The following SCUBE1 variants were observed in gnomAD, a reference collection of about 807,000 sequenced individuals.
The protein encoded by SCUBE1 is signal peptide, CUB domain and EGF like domain containing 1, also known as signal peptide, CUB and EGF-like domain-containing protein 1.
A neutral mutation model predicts 124.4 loss-of-function variants in SCUBE1; 59 were observed. The ratio of observed to expected loss-of-function variants is 0.47; its 90% CI spans 0.38 to 0.59. SCUBE1 has a LOEUF of 0.59. SCUBE1 is among the 20% of genes least tolerant of loss of function. SCUBE1 has a pLI of 0.00. For synonymous variants in SCUBE1, 545 were observed against 550.9 expected (o/e 0.99, Z 0.15); for missense variants, 1,150 against 1,371.2 (o/e 0.84, Z 2.55).
In SCUBE1 at chr22:43,319,994, A is replaced by T; in HGVS notation, c.292T>A (p.Tyr98Asn). 6.2e-7 allele frequency: 1 copy of T among 1,614,200 alleles called. No homozygotes were observed. The highest frequency in any genetic ancestry group is 8.5e-7 in the Non-Finnish European group (1 of 1,180,026). The change falls in exon 3 of 22, where the codon TAC (tyrosine) becomes AAC (asparagine). Residue 98 changes from tyrosine (Y) to asparagine (N), a missense_variant. This residue lies in a region of SCUBE1 where 337 missense variants were observed against 482.1 expected (regional missense o/e 0.70). Coordinates refer to ENST00000360835, the MANE Select transcript of SCUBE1 (RefSeq NM_173050.5). ...VHECINIPGNYRCTCFDGFML... is the reference protein window; with the variant it reads ...VHECINIPGNNRCTCFDGFML... Reference sequence around the variant, plus strand: ...AAGCCATCAAAGCAGGTACACCTGTAGTTCCCCGGGATGTTGATGCACTCG... The same window carrying T: ...AAGCCATCAAAGCAGGTACACCTGTTGTTCCCCGGGATGTTGATGCACTCG...
intron 6 of SCUBE1, among the ~76,000 whole-genome samples, chr22:43,248,667 G>A (rs1038032541): frequency 6.6e-6 from 1 of 152,228 alleles, no homozygotes; most frequent in African/African-American, 2.4e-5. Context: ...GGGAGGCCAC[G>A]ACTTGAGAGG....
At chr22:43,251,645 A>G (rs1309591000) in intron 6 of SCUBE1, among the ~76,000 whole-genome samples, 1 of 152,184 alleles carries the variant, frequency 6.6e-6, no homozygotes, top group Non-Finnish European at 1.5e-5. Flanking sequence ...GGGCAGCTCT[A>G]GAAGCTGGAA....
intron 3 of SCUBE1, among the ~76,000 whole-genome samples, chr22:43,299,982 T>G (rs570432304): frequency 3.9e-5 from 6 of 152,224 alleles, no homozygotes; most frequent in Non-Finnish European, 7.3e-5. Context: ...GGCTGAACAG[T>G]ATTCTATTGC....
At chr22:43,308,551 G>T (rs903786853) in intron 3 of SCUBE1, among the ~76,000 whole-genome samples, 1 of 152,236 alleles carries the variant, frequency 6.6e-6, no homozygotes, top group Non-Finnish European at 1.5e-5. Context: ...TTCGTTAGGG[G>T]TTCCAGGGAG....
rs138230486 is a variant in SCUBE1 at position 43,340,568 on chromosome 22, G to A, written c.89-1333C>T. On this transcript the variant is annotated intron_variant, in intron 1 of 21. Coordinates refer to ENST00000360835, the MANE Select transcript of SCUBE1 (RefSeq NM_173050.5). ...AGGGAGGGGACGTGCCTCTTGTCGG[G>A]CACAGTTCAGCACAGTCAGAGCTGT... 4.8e-3 allele frequency among the ~76,000 whole-genome samples: 721 copies of A among 150,610 alleles called. 7 individuals carry two copies. The highest frequency in any genetic ancestry group is 0.016 in the African/African-American group (653 of 40,936).
At chr22:43,317,421 C>T (rs539451657) in intron 3 of SCUBE1, among the ~76,000 whole-genome samples, 1 of 152,132 alleles carries the variant, frequency 6.6e-6, no homozygotes, top group Non-Finnish European at 1.5e-5. Context: ...GCTGAGAGTC[C>T]CCTGTGCCGA....
chr22:43,254,851 A>G (rs1481653970), intron 6 of SCUBE1, among the ~76,000 whole-genome samples: 7 of 152,236 alleles, frequency 4.6e-5, no homozygotes, highest in African/African-American at 9.6e-5. Context: ...GTCCAAGAGC[A>G]GTGATTTCTC....
intron 4 of SCUBE1, among the ~76,000 whole-genome samples, chr22:43,266,740 C>T (rs571711355): frequency 6.6e-6 from 1 of 152,156 alleles, no homozygotes; most frequent in Non-Finnish European, 1.5e-5. Context: ...ATTTGGGAAC[C>T]TGGTGCAGAG....
Position 43,221,202 on chromosome 22 carries a change from G to T in SCUBE1, c.1520C>A (p.Ala507Glu). 6.2e-7 allele frequency: 1 copy of T among 1,611,076 alleles called. No homozygotes were observed. Residue 507 changes from alanine to glutamate, a missense_variant, in exon 13 of 22, where the codon GCA (alanine) becomes GAA (glutamate). Ala to Glu is a moderately radical substitution (Grantham distance 107). Around this residue, in one of 3 missense-constraint regions of SCUBE1, gnomAD observed 757 missense variants for 840.9 expected, o/e 0.90. Transcript: ENST00000360835. ...CHLRPHSQAR[A>E]KETARQPLLD... ...CAGCGGCTGCCTGGCGGTCTCCTTT[G>T]CTCGTGCCTGGCTGTGGGGCCGGAG...
At chr22:43,220,671 T>C (rs1257769514) in intron 13 of SCUBE1, 84 bp from the exon 14 acceptor site, 7 of 1,513,960 alleles carry the variant, frequency 4.6e-6, no homozygotes, top group Admixed American at 1.9e-5. Context: ...AGAGTGCCAT[T>C]GGCAAGGACT....
At chr22:43,212,016 C>G (rs115702903) in intron 17 of SCUBE1, among the ~76,000 whole-genome samples, 1 of 152,106 alleles carries the variant, frequency 6.6e-6, no homozygotes, top group Admixed American at 6.5e-5. Flanking sequence ...TGAGGGAAGA[C>G]GGGATGTAGA....
chr22:43,297,657 C>T (rs1006037524), intron 3 of SCUBE1, among the ~76,000 whole-genome samples: 2 of 152,224 alleles, frequency 1.3e-5, no homozygotes, highest in African/African-American at 4.8e-5. Context: ...GCAGGCAGGA[C>T]CAGTTTCCCC....
At chr22:43,247,551 G>A (rs968271441) in intron 6 of SCUBE1, among the ~76,000 whole-genome samples, 3 of 152,118 alleles carry the variant, frequency 2.0e-5, no homozygotes, top group Non-Finnish European at 2.9e-5. Flanking sequence ...AGGAAATCTC[G>A]CCTCAGGAAG....
rs778357773 is a variant in SCUBE1, at chr22:43,210,189, G to A, written c.2435C>T (p.Pro812Leu). ...LGDYTGYIES[P>L]NYPGDYPANA... ...GGCTGGGTAGTCGCCAGGGTAGTTG[G>A]GGGACTCGATGTAGCCGGTGTAGTC... The change falls in exon 19 of 22, where the codon CCC becomes CTC. Residue 812 changes from proline (P) to leucine (L), a missense_variant. Around this residue, in one of 3 missense-constraint regions of SCUBE1, gnomAD observed 757 missense variants for 840.9 expected, o/e 0.90. Transcript: ENST00000360835. The surrounding 1 kb of genome is among the most constrained non-coding windows in gnomAD (Gnocchi z 4.5). The A allele has an allele frequency of 6.2e-7, 1 of 1,600,338 alleles. No homozygotes were observed. The highest frequency in any genetic ancestry group is 8.5e-7 in the Non-Finnish European group (1 of 1,173,546).
intron 2 of SCUBE1, among the ~76,000 whole-genome samples, chr22:43,330,196 G>A (rs1041428666): frequency 5.3e-5 from 8 of 152,164 alleles, no homozygotes; most frequent in Admixed American, 4.6e-4. Flanking sequence ...CCCATGTGAT[G>A]GATGAGGAAA....
At position 43,198,206 on chromosome 22, in the gene SCUBE1, A is replaced by G; in HGVS notation, c.*5791T>C. 1 of 259,364 alleles carries G rather than the reference A, an allele frequency of 3.9e-6. No individual in the cohort carries two copies. Among genetic ancestry groups the G allele is most frequent in the African/African-American group, 2.5e-5 (1 of 39,994 alleles). 16.1% of individuals were successfully genotyped at this position (259,364 alleles called of 1,614,324 possible). ...CCTGGCACCCAGTGGGCACTGAGTG[A>G]GCGTCAGCTTCCCCACCTTTCCCTT... On this transcript the variant is annotated 3_prime_UTR_variant, in exon 22 of 22. Transcript: ENST00000360835.
intron 6 of SCUBE1, among the ~76,000 whole-genome samples, chr22:43,244,116 C>T (rs995196884): frequency 2.0e-5 from 3 of 152,080 alleles, no homozygotes; most frequent in African/African-American, 7.2e-5. Context: ...GCCCAGACCT[C>T]GCCTTTCTCT....
intron 13 of SCUBE1, 51 bp from the exon 14 acceptor site, chr22:43,220,638 A>G (rs1343001133): frequency 6.3e-7 from 1 of 1,596,600 alleles, no homozygotes; most frequent in Non-Finnish European, 8.5e-7. Context: ...GCAGGGAGCA[A>G]GGTCCTACCA....
rs377529490 is a variant in SCUBE1 at position 43,304,579 on chromosome 22, C to T, written c.350-13399G>A. ...AAGGTGCATTTGGTGGTGAGAAGTG[C>T]GGTTGGTCGTGTGTGTGTGTGTCTG... On this transcript the variant is annotated intron_variant, in intron 3 of 21. Transcript: ENST00000360835. 7.2e-5 allele frequency among the ~76,000 whole-genome samples: 11 copies of T among 152,222 alleles called. No homozygotes were observed. The East Asian group carries it at 7.7e-4, about 11-fold the overall frequency.
Sources: gnomAD v4.1 joint callset for allele counts (sites outside exome capture counted in the v4.1 genomes callset) on GRCh38, gnomAD v4.1.1 for gene constraint, gnomAD v4.1.1 regional missense constraint, Gnocchi (gnomAD v3.1) non-coding constraint, MANE v1.5 for transcripts, NCBI Gene and HGNC (gene_info 2026-07-23, HGNC 2026-07-21) for gene names.